The following FMN1 variants were observed in gnomAD, a reference collection of about 807,000 sequenced individuals.
FMN1 encodes the protein formin 1.
A neutral mutation model predicts 132.4 loss-of-function variants in FMN1; 110 were observed. That is an observed-to-expected ratio of 0.83 (90% CI 0.71 to 0.97). The LOEUF is 0.97. Ranked by LOEUF, FMN1 falls within the 50% of genes least tolerant of loss-of-function variation. The pLI, the probability that FMN1 is intolerant of heterozygous loss-of-function variation, is 0.00. For synonymous variants in FMN1, 722 were observed against 651.7 expected (o/e 1.11, Z -1.64); for missense variants, 1,792 against 1,705.3 (o/e 1.05, Z -0.90).
intron 4 of FMN1, among the ~76,000 whole-genome samples, chr15:33,132,123 C>T (rs561997584): frequency 2.0e-5 from 3 of 152,154 alleles, no homozygotes; most frequent in African/African-American, 7.2e-5. Context: ...TTTCTTTTCC[C>T]TCCTTTCTTT....
intron 6 of FMN1, among the ~76,000 whole-genome samples, chr15:33,029,263 G>GA (rs71424685): frequency 0.14 from 20,831 of 149,454 alleles, 1,631 homozygotes; most frequent in Middle Eastern, 0.23. Context: ...AACACACAAG[G>GA]AAAAAAAAAA....
chr15:33,164,477 A>G (rs2140307109), intron 3 of FMN1, among the ~76,000 whole-genome samples: 1 of 152,310 alleles, frequency 6.6e-6, no homozygotes, highest in South Asian at 2.1e-4. Context: ...CTTTTTGTGT[A>G]CGTTTTTTCA....
At chr15:32,952,530 T>C (rs915572348) in intron 9 of FMN1, among the ~76,000 whole-genome samples, 8 of 152,076 alleles carry the variant, frequency 5.3e-5, no homozygotes, top group Admixed American at 3.9e-4. Context: ...ATCTTTAGAG[T>C]CAATATGAAT....
chr15:33,184,750 C>T (rs1426365027), intron 2 of FMN1, among the ~76,000 whole-genome samples: 1 of 152,160 alleles, frequency 6.6e-6, no homozygotes, highest in Non-Finnish European at 1.5e-5. Context: ...GTGATCTGCC[C>T]ACCTCGGCCT....
chr15:32,929,981 ATTTTTT>A (rs377263342), intron 9 of FMN1, among the ~76,000 whole-genome samples: 2,637 of 91,888 alleles, frequency 0.029, 28 homozygotes, highest in Middle Eastern at 0.065. Context: ...CTATTTTTAA[ATTTTTT>A]TTTTTTTTTT....
At chr15:32,932,588 C>G (rs1030611545) in intron 9 of FMN1, among the ~76,000 whole-genome samples, 1 of 152,124 alleles carries the variant, frequency 6.6e-6, no homozygotes, top group African/African-American at 2.4e-5. Context: ...GTTAATTATT[C>G]TTTAAATGTT....
chr15:33,051,172 G>C (rs1370169235), intron 6 of FMN1, among the ~76,000 whole-genome samples: 1 of 152,114 alleles, frequency 6.6e-6, no homozygotes, highest in Non-Finnish European at 1.5e-5. Flanking sequence ...CTCTGAATTA[G>C]GTATGATCAT....
At chr15:32,930,412 T>TG (rs2061082715) in intron 9 of FMN1, among the ~76,000 whole-genome samples, 2 of 136,792 alleles carry the variant, frequency 1.5e-5, no homozygotes, top group African/African-American at 6.1e-5. Context: ...TATTTTTCAG[T>TG]TTTTTTTTTT....
intron 4 of FMN1, among the ~76,000 whole-genome samples, chr15:33,127,204 A>G (rs1345842536): frequency 6.6e-6 from 1 of 152,156 alleles, no homozygotes; most frequent in African/African-American, 2.4e-5. Flanking sequence ...TCTCCTCAAA[A>G]ATATAATCTC....
intron 2 of FMN1, among the ~76,000 whole-genome samples, chr15:33,180,649 C>T (rs1965663838): frequency 1.3e-5 from 2 of 151,890 alleles, no homozygotes; most frequent in South Asian, 4.2e-4. Context: ...TTAGTGTTCA[C>T]ACTGCAATGA....
chr15:32,975,332 C>T (rs2032117250), intron 7 of FMN1, among the ~76,000 whole-genome samples: 1 of 152,176 alleles, frequency 6.6e-6, no homozygotes, highest in Non-Finnish European at 1.5e-5. Context: ...ACACTGCTTG[C>T]CTAGTTAGCC....
chr15:32,839,333 C>A (rs1001076534), intron 17 of FMN1, among the ~76,000 whole-genome samples: 1 of 152,122 alleles, frequency 6.6e-6, no homozygotes, highest in African/African-American at 2.4e-5. Context: ...ACCCTTCAGG[C>A]GTTGGCAGCA....
chr15:32,980,828 T>A (rs974204040), intron 7 of FMN1, among the ~76,000 whole-genome samples: 11 of 152,080 alleles, frequency 7.2e-5, no homozygotes, highest in South Asian at 2.1e-4. Context: ...GCCTGGCCAA[T>A]GGCAAAACCC....
intron 6 of FMN1, among the ~76,000 whole-genome samples, chr15:33,009,807 A>T (rs1383294494): frequency 6.6e-6 from 1 of 152,222 alleles, no homozygotes; most frequent in East Asian, 1.9e-4. Context: ...GTGAATGCAT[A>T]AACAAATGAT....
intron 18 of FMN1, among the ~76,000 whole-genome samples, chr15:32,800,543 A>T (rs1369292762): frequency 6.6e-6 from 1 of 152,232 alleles, no homozygotes; most frequent in Non-Finnish European, 1.5e-5. Context: ...TAGCATGGGA[A>T]TACATAAGTA....
At chr15:32,793,874 TAAC>T (rs2057180246) in intron 19 of FMN1, among the ~76,000 whole-genome samples, 1 of 152,180 alleles carries the variant, frequency 6.6e-6, no homozygotes, top group South Asian at 2.1e-4. Flanking sequence ...ATTCAATAAA[TAAC>T]AATTTTATTT....
intron 6 of FMN1, among the ~76,000 whole-genome samples, chr15:33,044,343 A>G (rs1219296805): frequency 6.6e-6 from 1 of 152,194 alleles, no homozygotes; most frequent in East Asian, 1.9e-4. Flanking sequence ...TGAAGCCTGG[A>G]GGTTGGGCTG....
In FMN1 at chr15:32,768,547, A is replaced by C. The variant is rs2056123597; in HGVS notation, c.*5763T>G. 6.6e-6 allele frequency: 1 copy of C among 152,240 alleles called. No homozygotes were observed. Among genetic ancestry groups the C allele is most frequent in the Non-Finnish European group, 1.5e-5 (1 of 68,048 alleles). The allele number at this position is 152,240 out of a possible 1,614,324, so 9.4% of individuals were successfully genotyped here. A position where few individuals can be genotyped will look rare whatever the true frequency, so the allele number is the denominator to read the frequency against. On this transcript the variant is annotated 3_prime_UTR_variant, in exon 21 of 21. Coordinates refer to ENST00000616417, the MANE Select transcript of FMN1 (RefSeq NM_001277313.2). Reference sequence around the variant, plus strand: ...AGGTAGAGAGCCCCTCAGTGTCTGCACAGGTAGAATTTAGGAAAATGTTCA... The same window carrying C: ...AGGTAGAGAGCCCCTCAGTGTCTGCCCAGGTAGAATTTAGGAAAATGTTCA...
intron 16 of FMN1, 82 bp from the exon 17 acceptor site, chr15:32,857,189 T>G: frequency 9.4e-7 from 1 of 1,066,856 alleles, no homozygotes. Flanking sequence ...TGCTATGCAC[T>G]TGGCTATCAA....
Sources: gnomAD v4.1 joint callset for allele counts (sites outside exome capture counted in the v4.1 genomes callset) on GRCh38, gnomAD v4.1.1 for gene constraint, MANE v1.5 for transcripts, NCBI Gene and HGNC (gene_info 2026-07-23, HGNC 2026-07-21) for gene names.